The following IFT81 variants were observed in gnomAD, a reference collection of about 807,000 sequenced individuals.
IFT81 encodes the protein intraflagellar transport protein 81 homolog.
A neutral mutation model predicts 102.6 loss-of-function variants in IFT81; 72 were observed. The ratio of observed to expected loss-of-function variants is 0.70; its 90% CI spans 0.58 to 0.85. The LOEUF is 0.85. IFT81 is among the 40% of genes least tolerant of loss of function. The pLI, the probability that IFT81 is intolerant of heterozygous loss-of-function variation, is 0.00. For synonymous variants in IFT81, 237 were observed against 242.7 expected, an observed-to-expected ratio of 0.98 and a Z score of 0.22; for missense variants, 723 against 787.3, an observed-to-expected ratio of 0.92 and a Z score of 0.98.
chr12:110,178,414 CAAAA>C (rs75333089), intron 11 of IFT81, among the ~76,000 whole-genome samples: 1 of 57,988 alleles, frequency 1.7e-5, no homozygotes, highest in Non-Finnish European at 3.5e-5. Context: ...GACTCCATCT[CAAAA>C]AAAAAAAAAA....
At chr12:110,169,978 AG>A (rs1186006959) in intron 11 of IFT81, among the ~76,000 whole-genome samples, 1 of 151,862 alleles carries the variant, frequency 6.6e-6, no homozygotes. Context: ...TTTGAGATGG[AG>A]TCTTGCTCTG....
chr12:110,203,980 T>C, intron 15 of IFT81, 30 bp downstream of exon 15: 1 of 1,402,916 alleles, frequency 7.1e-7, no homozygotes, highest in South Asian at 1.2e-5. Flanking sequence ...TTTAACAATT[T>C]AGCAAAAACT....
chr12:110,182,995 A>G (rs536291704), intron 12 of IFT81, among the ~76,000 whole-genome samples: 33 of 152,340 alleles, frequency 2.2e-4, no homozygotes, highest in African/African-American at 7.9e-4. Context: ...ACTCATTTTC[A>G]TAGGCCATCC....
chr12:110,180,576 T>A lies in IFT81; in HGVS notation c.1338+5T>A. On this transcript the variant is annotated splice_donor_5th_base_variant and intron_variant, in intron 12 of 18. Transcript: ENST00000242591. ...GAAAATATTCAACAACAACTGGTAA[T>A]ACAGTATTATCTTGGGCTACTATAA... 6.3e-7 allele frequency: 1 copy of A among 1,594,032 alleles called. No homozygotes were observed. Among genetic ancestry groups the A allele is most frequent in the South Asian group, 1.1e-5 (1 of 88,484 alleles).
At chr12:110,205,940 G>A (rs1194119703) in intron 17 of IFT81, among the ~76,000 whole-genome samples, 1 of 152,116 alleles carries the variant, frequency 6.6e-6, no homozygotes. Flanking sequence ...TAAGTGTACA[G>A]TTCATTGGCA....
chr12:110,149,676 T>G (rs1193457165), intron 10 of IFT81, among the ~76,000 whole-genome samples: 1 of 152,150 alleles, frequency 6.6e-6, no homozygotes, highest in Non-Finnish European at 1.5e-5. Flanking sequence ...CTGACTCTTC[T>G]TTGACCACCC....
At chr12:110,177,267 T>TTTTTG (rs371205633) in intron 11 of IFT81, among the ~76,000 whole-genome samples, 2,166 of 152,108 alleles carry the variant, frequency 0.014, 20 homozygotes, top group African/African-American at 0.019. Flanking sequence ...AAAGTTTGTT[T>TTTTTG]TTTTGTTTTG....
At chr12:110,211,764 C>T (rs1869475852) in intron 18 of IFT81, among the ~76,000 whole-genome samples, 1 of 152,084 alleles carries the variant, frequency 6.6e-6, no homozygotes, top group South Asian at 2.1e-4. Flanking sequence ...ACCTTGGCCT[C>T]CCAAAGTGCT....
At position 110,132,202 on chromosome 12, in the gene IFT81, C is replaced by T. The variant is rs558055413; in HGVS notation, c.430-345C>T. ...CTCTATGGCTAGGCGCGGTGGCTCA[C>T]GCCTGTAATCCCAGCACTTTGGGAG... On this transcript the variant is annotated intron_variant, in intron 4 of 18. Transcript: ENST00000242591. Among the ~76,000 whole-genome samples the T allele has an allele frequency of 9.2e-5, 14 of 152,202 alleles. 1 individual carries two copies. The highest frequency in any genetic ancestry group is 2.2e-4 in the African/African-American group (9 of 41,516).
At chr12:110,197,859 T>G (rs866357420) in intron 14 of IFT81, among the ~76,000 whole-genome samples, 5 of 152,140 alleles carry the variant, frequency 3.3e-5, no homozygotes, top group South Asian at 2.1e-4. Context: ...ATTACAGGCA[T>G]GCACCACCAC....
intron 13 of IFT81, among the ~76,000 whole-genome samples, chr12:110,191,936 C>T (rs1379561860): frequency 8.6e-5 from 13 of 151,886 alleles, no homozygotes; most frequent in Middle Eastern, 3.4e-3. Context: ...TTTGGGAGGC[C>T]GAGGCGGGAG....
chr12:110,143,555 A>C lies in IFT81; in HGVS notation c.945+10A>C, dbSNP rs1188628873. 1.3e-6 allele frequency: 2 copies of C among 1,533,928 alleles called. No homozygotes were observed. The highest frequency in any genetic ancestry group is 2.9e-5 in the African/African-American group (2 of 69,896). On this transcript the variant is annotated intron_variant, in intron 9 of 18. Transcript: ENST00000242591. ...TGAACTTGAATCTAAAGTAAGTGAGAATCATCTTTTTATAGCTCTCAATTT... is the reference window on the plus strand; with the variant it reads ...TGAACTTGAATCTAAAGTAAGTGAGCATCATCTTTTTATAGCTCTCAATTT...
chr12:110,145,252 T>C (rs1895150620), intron 9 of IFT81, among the ~76,000 whole-genome samples: 1 of 151,516 alleles, frequency 6.6e-6, no homozygotes, highest in African/African-American at 2.4e-5. Context: ...AGCATGGTCT[T>C]GACCTCCCAG....
intron 15 of IFT81, chr12:110,205,107 G>A (rs1868448544): frequency 1.2e-5 from 2 of 160,324 alleles, no homozygotes; most frequent in South Asian, 3.8e-4. Context: ...GGTGGCACGT[G>A]CCTGTAGTCT....
At chr12:110,129,228 T>G in intron 4 of IFT81, 98 bp downstream of exon 4, 1 of 879,628 alleles carries the variant, frequency 1.1e-6, no homozygotes. Flanking sequence ...GTCTTTGTAG[T>G]TCCAAGTGGC....
intron 10 of IFT81, among the ~76,000 whole-genome samples, chr12:110,154,106 C>T (rs1180636847): frequency 6.6e-6 from 1 of 151,988 alleles, no homozygotes; most frequent in Non-Finnish European, 1.5e-5. Context: ...CCTCAGCCTT[C>T]CAAGTAGCTG....
At chr12:110,153,417 GAC>G (rs1895652701) in intron 10 of IFT81, among the ~76,000 whole-genome samples, 1 of 150,020 alleles carries the variant, frequency 6.7e-6, no homozygotes, top group Non-Finnish European at 1.5e-5. Context: ...ATTTTTAGTA[GAC>G]ACAGGGTTTC....
chr12:110,183,552 C>T (rs1252738630), intron 12 of IFT81, among the ~76,000 whole-genome samples: 2 of 152,202 alleles, frequency 1.3e-5, no homozygotes, highest in Admixed American at 6.5e-5. Flanking sequence ...ACTGTGTGGG[C>T]CAATGTCAGA....
At chr12:110,217,687 G>A (rs576862531) in intron 18 of IFT81, among the ~76,000 whole-genome samples, 5 of 151,740 alleles carry the variant, frequency 3.3e-5, no homozygotes, top group African/African-American at 9.7e-5. Context: ...TCAGCCTCCC[G>A]AGTAGCTGGG....
Sources: gnomAD v4.1 joint callset for allele counts (sites outside exome capture counted in the v4.1 genomes callset) on GRCh38, gnomAD v4.1.1 for gene constraint, MANE v1.5 for transcripts, NCBI Gene and HGNC (gene_info 2026-07-23, HGNC 2026-07-21) for gene names.